Variants in RALGAPA2 observed in about 807,000 individuals in gnomAD.
RALGAPA2 encodes ral GTPase-activating protein subunit alpha-2.
RALGAPA2 carries 139 observed loss-of-function variants against 230.4 expected under a neutral mutation model. The ratio of observed to expected loss-of-function variants is 0.60; its 90% CI spans 0.53 to 0.69. The LOEUF is 0.69. Among genes scored for constraint, RALGAPA2 ranks in the 30% least tolerant of loss-of-function variants. The pLI is 0.00. For missense variants in RALGAPA2, 2,163 were observed against 2,276.0 expected (o/e 0.95, Z 1.01); for synonymous variants, 847 against 837.8 (o/e 1.01, Z -0.19).
intron 9 of RALGAPA2, 185 bp downstream of exon 9, chr20:20,635,233 A>G (rs2066818109): frequency 1.5e-6 from 1 of 646,156 alleles, no homozygotes; most frequent in African/African-American, 1.9e-5. Flanking sequence ...ATGCACAGCA[A>G]GTGATTCAAA....
rs779796259 is a variant in RALGAPA2 at position 20,619,336 on chromosome 20, C to T, written c.1480G>A (p.Gly494Arg). Residue 494 changes from glycine (G) to arginine (R), a missense_variant, in exon 12 of 40, where the codon GGG becomes AGG. Physicochemically the swap from Gly to Arg is moderately radical, Grantham distance 125. Transcript: ENST00000202677. ...TYSFTSAMSR[G>R]CVTEEENTNV... is the part of the protein sequence containing the mutation. The stretch of plus-strand genomic sequence containing the variant: ...GTATTTTCCTCCTCTGTCACACACC[C>T]TCTGCTCATTGCACTTGTGAAGGAG... The T allele has an allele frequency of 2.5e-5, 41 of 1,612,568 alleles. No homozygotes were observed. In the East Asian group the frequency reaches 8.7e-4, roughly 34 times the overall value.
At chr20:20,414,079 G>A (rs533340748) in intron 37 of RALGAPA2, among the ~76,000 whole-genome samples, 6 of 152,392 alleles carry the variant, frequency 3.9e-5, no homozygotes, top group Non-Finnish European at 8.8e-5. Context: ...GCCGTCTGGC[G>A]AACAGGCACT....
chr20:20,669,964 T>C (rs1302800064), intron 3 of RALGAPA2, among the ~76,000 whole-genome samples: 2 of 152,194 alleles, frequency 1.3e-5, no homozygotes, highest in Non-Finnish European at 2.9e-5. Context: ...CTTTCCCTTA[T>C]GCAGGTAACT....
At chr20:20,401,465 T>C (rs1411449097) in intron 38 of RALGAPA2, among the ~76,000 whole-genome samples, 1 of 152,160 alleles carries the variant, frequency 6.6e-6, no homozygotes, top group South Asian at 2.1e-4. Flanking sequence ...CAGTGACTTG[T>C]TTTCCCTTCC....
At chr20:20,693,556 CT>C (rs1424825152) in intron 1 of RALGAPA2, among the ~76,000 whole-genome samples, 1 of 152,128 alleles carries the variant, frequency 6.6e-6, no homozygotes, top group Admixed American at 6.5e-5. Flanking sequence ...CTGTAGTCAC[CT>C]CCACCCCTCT....
chr20:20,418,840 G>A (rs1163545447), intron 37 of RALGAPA2, among the ~76,000 whole-genome samples: 2 of 152,282 alleles, frequency 1.3e-5, no homozygotes, highest in East Asian at 3.9e-4. Context: ...CTGGACTCAA[G>A]CAATCCTCCC....
chr20:20,644,794 A>G (rs1052499029), intron 4 of RALGAPA2, among the ~76,000 whole-genome samples: 3 of 152,170 alleles, frequency 2.0e-5, no homozygotes, highest in Non-Finnish European at 1.5e-5. Flanking sequence ...TCTAGCCCAC[A>G]CCTTTCCTCA....
intron 36 of RALGAPA2, among the ~76,000 whole-genome samples, chr20:20,490,032 G>A (rs73289157): frequency 0.01 from 1,528 of 152,346 alleles, 21 homozygotes; most frequent in African/African-American, 0.035. Context: ...AATCAGTTGA[G>A]AAGAAATTCT....
intron 31 of RALGAPA2, among the ~76,000 whole-genome samples, chr20:20,519,108 C>T (rs529443963): frequency 6.6e-6 from 1 of 152,314 alleles, no homozygotes; most frequent in Admixed American, 6.5e-5. Context: ...GTTAAGTCTA[C>T]TCCACGTCAA....
chr20:20,593,472 A>G (rs747116586), intron 16 of RALGAPA2, among the ~76,000 whole-genome samples: 3 of 152,244 alleles, frequency 2.0e-5, no homozygotes, highest in Non-Finnish European at 4.4e-5. Flanking sequence ...CAGCAACAGA[A>G]GCCAAATAAC....
intron 35 of RALGAPA2, among the ~76,000 whole-genome samples, 186 bp downstream of exon 35, chr20:20,503,165 T>C (rs890040602): frequency 6.6e-6 from 1 of 152,172 alleles, no homozygotes; most frequent in Non-Finnish European, 1.5e-5. Flanking sequence ...CAGGTAATAT[T>C]CACGGGAGGG....
At chr20:20,503,770 C>T (rs914256475) in intron 34 of RALGAPA2, among the ~76,000 whole-genome samples, 1 of 152,088 alleles carries the variant, frequency 6.6e-6, no homozygotes, top group Non-Finnish European at 1.5e-5. Context: ...TTTTTTCCCA[C>T]CTGTATGTAT....
Position 20,391,009 on chromosome 20 carries a change from G to C in RALGAPA2, c.*2280C>G, listed in dbSNP as rs189733753. 2.0e-4 allele frequency: 30 copies of C among 152,394 alleles called. No homozygotes were observed. Among genetic ancestry groups the C allele is most frequent in the African/African-American group, 6.7e-4 (28 of 41,584 alleles). The allele number at this position is 152,394 out of a possible 1,614,324, so 9.4% of individuals were successfully genotyped here. On this transcript the variant is annotated 3_prime_UTR_variant, in exon 40 of 40. Transcript: ENST00000202677. ...GAAAGCAAAATGAAATCATGGAGCA[G>C]AAGTCCAGGAGAGTTCAATACGATT...
chr20:20,615,687 A>G (rs181920085), intron 13 of RALGAPA2, among the ~76,000 whole-genome samples: 17 of 152,384 alleles, frequency 1.1e-4, no homozygotes, highest in Admixed American at 9.1e-4. Flanking sequence ...AGAAGCAATA[A>G]AAATCAGTTG....
chr20:20,620,716 C>T lies in RALGAPA2; in HGVS notation c.1234-86G>A, dbSNP rs1403830757. The T allele has an allele frequency of 2.6e-6, 3 of 1,140,372 alleles. No homozygotes were observed. In the African/African-American group the frequency reaches 4.7e-5, roughly 18 times the overall value. 70.6% of individuals were successfully genotyped at this position (1,140,372 alleles called of 1,614,324 possible). A position where few individuals can be genotyped will look rare whatever the true frequency, so the allele number is the denominator to read the frequency against. On this transcript the variant is annotated intron_variant, in intron 10 of 39. Transcript: ENST00000202677. ...CATCACGGACATTCCCAATGAGCATCACCCATTTCACTTTCCTTGGAACAC... is the reference window on the plus strand; with the variant it reads ...CATCACGGACATTCCCAATGAGCATTACCCATTTCACTTTCCTTGGAACAC...
At chr20:20,703,638 G>A (rs2069481484) in intron 1 of RALGAPA2, among the ~76,000 whole-genome samples, 1 of 152,154 alleles carries the variant, frequency 6.6e-6, no homozygotes, top group African/African-American at 2.4e-5. Context: ...AGTGTAAACT[G>A]GTACATGAAC....
intron 23 of RALGAPA2, among the ~76,000 whole-genome samples, chr20:20,569,157 C>T (rs6082053): frequency 0.064 from 9,765 of 152,114 alleles, 421 homozygotes; most frequent in East Asian, 0.16. Context: ...TCTATTTAGA[C>T]GTGTGGATCA....
At position 20,642,834 on chromosome 20, in the gene RALGAPA2, T is replaced by C. The variant is rs56666688; in HGVS notation, c.372+672A>G. Among the ~76,000 whole-genome samples, 621 of 152,282 alleles carry C rather than the reference T, an allele frequency of 4.1e-3. 4 individuals are homozygous for C. The highest frequency in any genetic ancestry group is 0.014 in the African/African-American group (588 of 41,550). ...AAGCCAATGTAAACCAACCAATATA[T>C]TAGCTTATTAAAGGCATTCGCACAA... On this transcript the variant is annotated intron_variant, in intron 5 of 39. Transcript: ENST00000202677.
chr20:20,647,894 C>T (rs6132331), intron 4 of RALGAPA2, among the ~76,000 whole-genome samples: 42 of 152,120 alleles, frequency 2.8e-4, no homozygotes, highest in African/African-American at 9.4e-4. Flanking sequence ...AACTGGAGCT[C>T]TTATGTTGCT....
Sources: gnomAD v4.1 joint callset for allele counts (sites outside exome capture counted in the v4.1 genomes callset) on GRCh38, gnomAD v4.1.1 for gene constraint, MANE v1.5 for transcripts, NCBI Gene and HGNC (gene_info 2026-07-23, HGNC 2026-07-21) for gene names.